Variants in SHISA9 observed in about 807,000 individuals in gnomAD.
SHISA9 encodes protein shisa-9.
A neutral mutation model predicts 38.0 loss-of-function variants in SHISA9; 13 were observed. The observed-to-expected ratio is 0.34, with a 90% confidence interval of 0.22 to 0.54. The LOEUF is 0.54. Ranked by LOEUF, SHISA9 falls within the 20% of genes least tolerant of loss-of-function variation. The pLI, the probability that SHISA9 is intolerant of heterozygous loss-of-function variation, is 0.91. For synonymous variants in SHISA9, 275 were observed against 242.0 expected (o/e 1.14, Z -1.27); for missense variants, 538 against 575.8 (o/e 0.93, Z 0.67).
At chr16:13,480,511 C>T in the SHISA9 span, among the ~76,000 whole-genome samples, 4 of 152,290 alleles carry the variant, frequency 2.6e-5, no homozygotes, top group Middle Eastern at 3.4e-3. Flanking sequence ...CCTTGAGGTT[C>T]CTGGCACATC....
chr16:12,908,322 G>A (rs1567334660), intron 1 of SHISA9, among the ~76,000 whole-genome samples: 2 of 152,172 alleles, frequency 1.3e-5, no homozygotes, highest in Non-Finnish European at 2.9e-5. Context: ...GGGCTGGCAG[G>A]TGCAGAATAG....
At chr16:13,520,495 T>C in the SHISA9 span, among the ~76,000 whole-genome samples, 1 of 145,166 alleles carries the variant, frequency 6.9e-6, no homozygotes, top group African/African-American at 2.6e-5. Flanking sequence ...CCCAGCTACT[T>C]GGGAGGCTGA....
chr16:13,512,238 A>G, the SHISA9 span, among the ~76,000 whole-genome samples: 3 of 152,162 alleles, frequency 2.0e-5, no homozygotes, highest in South Asian at 2.1e-4. Flanking sequence ...AAAAATTACC[A>G]GGAATGCAAA....
chr16:13,485,347 C>T, the SHISA9 span, among the ~76,000 whole-genome samples: 4 of 152,108 alleles, frequency 2.6e-5, no homozygotes, highest in South Asian at 2.1e-4. Flanking sequence ...TAGCTTCATC[C>T]GTGTCCCTGC....
chr16:13,110,021 G>T (rs1168670280), intron 2 of SHISA9, among the ~76,000 whole-genome samples: 1 of 152,142 alleles, frequency 6.6e-6, no homozygotes, highest in Non-Finnish European at 1.5e-5. Flanking sequence ...ATACCTAGGA[G>T]TGGAATTGCT....
the SHISA9 span, among the ~76,000 whole-genome samples, chr16:13,414,055 T>G: frequency 2.6e-5 from 4 of 152,206 alleles, no homozygotes; most frequent in Admixed American, 2.0e-4. Context: ...TTCATCTTGT[T>G]AAGTCCTTCT....
the SHISA9 span, among the ~76,000 whole-genome samples, chr16:13,333,722 A>G: frequency 1.3e-5 from 2 of 152,350 alleles, no homozygotes; most frequent in African/African-American, 2.4e-5. Context: ...AAATTGTTGC[A>G]TAAATATCTG....
rs1233593329 is a variant in SHISA9, at chr16:13,225,329, T to A, written c.896-9701T>A. ...ATTTCTGTTGTTTTAAGCCATCAAGTTTGTGGTACTTTGTGATGGCAGCTT... is the reference window on the plus strand; with the variant it reads ...ATTTCTGTTGTTTTAAGCCATCAAGATTGTGGTACTTTGTGATGGCAGCTT... On this transcript the variant is annotated intron_variant, in intron 4 of 4. Coordinates refer to ENST00000558583, the MANE Select transcript of SHISA9 (RefSeq NM_001145204.3). Among the ~76,000 whole-genome samples, 3 of 152,288 alleles carry A rather than the reference T, an allele frequency of 2.0e-5. No individual in the cohort carries two copies. In the East Asian group the frequency reaches 5.8e-4, roughly 29 times the overall value.
chr16:13,021,050 G>T (rs1209900766), intron 2 of SHISA9, among the ~76,000 whole-genome samples: 2 of 152,192 alleles, frequency 1.3e-5, no homozygotes, highest in Non-Finnish European at 2.9e-5. Context: ...AGGGCTGGGT[G>T]AATTAAGGAG....
chr16:13,560,511 G>A, the SHISA9 span, among the ~76,000 whole-genome samples: 1 of 152,154 alleles, frequency 6.6e-6, no homozygotes, highest in Non-Finnish European at 1.5e-5. Context: ...CTATATAGAC[G>A]TATGAGGCCA....
the SHISA9 span, among the ~76,000 whole-genome samples, chr16:13,443,498 A>G: frequency 6.6e-6 from 1 of 152,198 alleles, no homozygotes; most frequent in Non-Finnish European, 1.5e-5. Flanking sequence ...GAAGTAATGC[A>G]CCGTGCAAGC....
intron 4 of SHISA9, among the ~76,000 whole-genome samples, chr16:13,226,186 C>T (rs1031211218): frequency 1.3e-5 from 2 of 152,160 alleles, no homozygotes; most frequent in South Asian, 2.1e-4. Context: ...TGGCTCCAAA[C>T]CAGAGGGGAA....
At chr16:13,375,115 G>A in the SHISA9 span, among the ~76,000 whole-genome samples, 19 of 152,166 alleles carry the variant, frequency 1.2e-4, no homozygotes, top group African/African-American at 4.6e-4. Context: ...CTCCCATTCT[G>A]TAGGTTGCCT....
At chr16:13,261,025 T>C in the SHISA9 span, among the ~76,000 whole-genome samples, 2 of 152,074 alleles carry the variant, frequency 1.3e-5, no homozygotes, top group African/African-American at 2.4e-5. Flanking sequence ...GTGAAACTTA[T>C]TCACTATCAC....
chr16:12,980,294 T>C (rs78762471), intron 2 of SHISA9, among the ~76,000 whole-genome samples: 1 of 152,202 alleles, frequency 6.6e-6, no homozygotes, highest in Non-Finnish European at 1.5e-5. Context: ...CTATGGCAAA[T>C]CTTTGAGGTC....
At chr16:13,400,456 G>C in the SHISA9 span, among the ~76,000 whole-genome samples, 6 of 152,210 alleles carry the variant, frequency 3.9e-5, no homozygotes, top group Admixed American at 2.0e-4. Context: ...CTTCCCAAAG[G>C]TTTCTTTCAA....
chr16:13,526,941 C>CT, the SHISA9 span, among the ~76,000 whole-genome samples: 1 of 151,618 alleles, frequency 6.6e-6, no homozygotes, highest in Admixed American at 6.6e-5. Context: ...CGAATGACTT[C>CT]TTTTTTTAGA....
At chr16:13,272,187 C>A in the SHISA9 span, among the ~76,000 whole-genome samples, 632 of 151,732 alleles carry the variant, frequency 4.2e-3, 3 homozygotes, top group Middle Eastern at 0.021. Context: ...TTGAAATGGG[C>A]ACTTTTCATA....
At chr16:13,003,787 G>A (rs2072556647) in intron 2 of SHISA9, among the ~76,000 whole-genome samples, 1 of 152,108 alleles carries the variant, frequency 6.6e-6, no homozygotes, top group Non-Finnish European at 1.5e-5. Context: ...GAAGCCAGGA[G>A]GCGGAGGTTG....
Sources: gnomAD v4.1 joint callset for allele counts (sites outside exome capture counted in the v4.1 genomes callset) on GRCh38, gnomAD v4.1.1 for gene constraint, MANE v1.5 for transcripts, NCBI Gene and HGNC (gene_info 2026-07-23, HGNC 2026-07-21) for gene names.